ATXN10: variants seen among roughly 807,000 people sequenced by gnomAD.
ATXN10 encodes ataxin-10.
In ATXN10, 28 loss-of-function variants were observed where a neutral mutation model predicts 52.9. That is an observed-to-expected ratio of 0.53 (90% CI 0.39 to 0.73). The LOEUF (loss-of-function observed/expected upper bound fraction) is 0.73. ATXN10 is among the 30% of genes least tolerant of loss of function. ATXN10 has a pLI of 0.00. For missense variants in ATXN10, 565 were observed against 577.0 expected, an observed-to-expected ratio of 0.98 and a Z score of 0.21; for synonymous variants, 226 against 221.5, an observed-to-expected ratio of 1.02 and a Z score of -0.18.
chr22:45,831,436 AT>A (rs1411539516), intron 10 of ATXN10, among the ~76,000 whole-genome samples: 4 of 152,170 alleles, frequency 2.6e-5, no homozygotes, highest in Non-Finnish European at 5.9e-5. Context: ...CTTTTCCTGT[AT>A]GTCTCAGATC....
In ATXN10 at chr22:45,795,396, TTCTATTCTATTCTATTCTA is replaced by T. The variant is rs1927686241; in HGVS notation, c.1174-11561_1174-11543del. Among the ~76,000 whole-genome samples, 1 of 150,218 alleles carries T rather than the reference TTCTATTCTATTCTATTCTA, an allele frequency of 6.7e-6. No homozygotes were observed. The highest frequency in any genetic ancestry group is 1.5e-5 in the Non-Finnish European group (1 of 67,828). ...TTCTATTCTATTCTATTCTATTCTA[TTCTATTCTATTCTATTCTA>T]TTCTATTCTTTTTGAGATGAAGTCT... On this transcript the variant is annotated intron_variant, in intron 9 of 11. Transcript: ENST00000252934. The surrounding 1 kb of genome is among the most constrained non-coding windows in gnomAD (Gnocchi z 4.6).
At position 45,727,081 on chromosome 22, in the gene ATXN10, C is replaced by A. The variant is rs1032914159; in HGVS notation, c.729-2344C>A. Among the ~76,000 whole-genome samples, 4 of 152,080 alleles carry A rather than the reference C, an allele frequency of 2.6e-5. No individual in the cohort carries two copies. Among genetic ancestry groups the A allele is most frequent in the African/African-American group, 7.2e-5 (3 of 41,406 alleles). ...GTAGGCATTTAGCACTGTAAACTTT[C>A]CTTTTAGCACTGCTTTTGCTGTATC... On this transcript the variant is annotated intron_variant, in intron 6 of 11. Coordinates refer to ENST00000252934, the MANE Select transcript of ATXN10 (RefSeq NM_013236.4). This position sits in a 1 kb window ranked among gnomAD's most constrained non-coding sequence, Gnocchi z 4.6.
intron 10 of ATXN10, among the ~76,000 whole-genome samples, chr22:45,815,275 G>C (rs1369051183): frequency 6.6e-6 from 1 of 152,172 alleles, no homozygotes; most frequent in African/African-American, 2.4e-5. Flanking sequence ...TGAAGTTCAG[G>C]AACAGGCAGG....
rs1054316049 is a variant in ATXN10, at chr22:45,774,308, T to A, written c.1174-32651T>A. The stretch of plus-strand genomic sequence containing the variant: ...AGAGTGAGAGCAGGAGCTGCACCTG[T>A]CTGGAATGGCAGCCTGTCCCTACCA... On this transcript the variant is annotated intron_variant, in intron 9 of 11. Transcript: ENST00000252934. The surrounding 1 kb of genome is among the most constrained non-coding windows in gnomAD (Gnocchi z 6.2). Among the ~76,000 whole-genome samples, 1 of 152,240 alleles carries A rather than the reference T, an allele frequency of 6.6e-6. No homozygotes were observed. The highest frequency in any genetic ancestry group is 1.5e-5 in the Non-Finnish European group (1 of 68,048).
At chr22:45,782,855 C>T (rs1030901877) in intron 9 of ATXN10, among the ~76,000 whole-genome samples, 2 of 152,158 alleles carry the variant, frequency 1.3e-5, no homozygotes, top group Non-Finnish European at 2.9e-5. Context: ...TAGTACCAAA[C>T]CCTATGTATG....
intron 3 of ATXN10, among the ~76,000 whole-genome samples, chr22:45,695,241 A>G (rs536562794): frequency 2.2e-3 from 333 of 148,378 alleles, no homozygotes; most frequent in Middle Eastern, 7.2e-3. Flanking sequence ...GGAGAATGGC[A>G]TGCACCCAGG....
Position 45,689,350 on chromosome 22 carries a change from T to G in ATXN10, c.117-362T>G. Reference sequence around the variant, plus strand: ...TTTGGGTTGTCATGGGTAGTGGAAGTGCTCAGGCCAGAGTGCTTCACTTGG... The same window carrying G: ...TTTGGGTTGTCATGGGTAGTGGAAGGGCTCAGGCCAGAGTGCTTCACTTGG... On this transcript the variant is annotated intron_variant, in intron 1 of 11. Transcript: ENST00000252934. The G allele has an allele frequency of 9.4e-6, 3 of 317,958 alleles. No individual in the cohort carries two copies. The East Asian group carries it at 2.3e-4, about 25-fold the overall frequency. The allele number at this position is 317,958 out of a possible 1,614,324, so 19.7% of individuals were successfully genotyped here.
At chr22:45,777,275 C>T (rs1926993444) in intron 9 of ATXN10, among the ~76,000 whole-genome samples, 1 of 152,114 alleles carries the variant, frequency 6.6e-6, no homozygotes, top group African/African-American at 2.4e-5. Context: ...GTCGTTGTTA[C>T]CATAGCTGGA....
At chr22:45,810,496 C>G (rs1029497392) in intron 10 of ATXN10, among the ~76,000 whole-genome samples, 14 of 152,168 alleles carry the variant, frequency 9.2e-5, no homozygotes, top group African/African-American at 3.4e-4. Context: ...ACACAGAAAA[C>G]CTCGTTTACC....
Position 45,789,386 on chromosome 22 carries a change from A to G in ATXN10, c.1174-17573A>G, listed in dbSNP as rs1927429191. Among the ~76,000 whole-genome samples, 1 of 152,108 alleles carries G rather than the reference A, an allele frequency of 6.6e-6. No homozygotes were observed. Among genetic ancestry groups the G allele is most frequent in the Admixed American group, 6.5e-5 (1 of 15,274 alleles). The stretch of plus-strand genomic sequence containing the variant: ...CGCATATATTTTTTTTCCGCAAATC[A>G]TTGTTAAGTATCTCGGGACCGGGCA... On this transcript the variant is annotated intron_variant, in intron 9 of 11. Transcript: ENST00000252934. This position sits in a 1 kb window ranked among gnomAD's most constrained non-coding sequence, Gnocchi z 4.0.
rs1249081066 is a variant in ATXN10 at position 45,733,329 on chromosome 22, CAATA to C, written c.894+3744_894+3747del. Among the ~76,000 whole-genome samples, 2 of 152,130 alleles carry C rather than the reference CAATA, an allele frequency of 1.3e-5. No homozygotes were observed. Among genetic ancestry groups the C allele is most frequent in the African/African-American group, 2.4e-5 (1 of 41,414 alleles). On this transcript the variant is annotated intron_variant, in intron 7 of 11. Coordinates refer to ENST00000252934, the MANE Select transcript of ATXN10 (RefSeq NM_013236.4). The surrounding 1 kb of genome is among the most constrained non-coding windows in gnomAD (Gnocchi z 4.4). ...TAATACATATTTAATACATATTCTA[CAATA>C]AATAGTGTATTTTTTCCACATATTA... is the stretch of plus-strand genomic sequence containing the variant.
chr22:45,761,051 T>C (rs1926371345), intron 9 of ATXN10, among the ~76,000 whole-genome samples: 1 of 152,244 alleles, frequency 6.6e-6, no homozygotes, highest in Non-Finnish European at 1.5e-5. Flanking sequence ...TCATTATTGT[T>C]GTTTTCCTTT....
At chr22:45,812,224 T>C (rs1928305473) in intron 10 of ATXN10, among the ~76,000 whole-genome samples, 1 of 152,204 alleles carries the variant, frequency 6.6e-6, no homozygotes, top group South Asian at 2.1e-4. Context: ...CTTCAGCTCA[T>C]CACAGGTTAT....
intron 9 of ATXN10, among the ~76,000 whole-genome samples, chr22:45,791,059 A>T (rs776865216): frequency 6.6e-6 from 1 of 152,026 alleles, no homozygotes; most frequent in Non-Finnish European, 1.5e-5. Flanking sequence ...GGGTCTCTCT[A>T]TGTTGCCCAG....
At chr22:45,799,449 T>C (rs925557458) in intron 9 of ATXN10, among the ~76,000 whole-genome samples, 9 of 152,146 alleles carry the variant, frequency 5.9e-5, no homozygotes, top group African/African-American at 2.2e-4. Flanking sequence ...GATGGGCCCC[T>C]AATCCAGTAT....
intron 9 of ATXN10, among the ~76,000 whole-genome samples, chr22:45,798,323 G>A (rs998379068): frequency 3.3e-5 from 5 of 152,174 alleles, no homozygotes; most frequent in Non-Finnish European, 7.4e-5. Flanking sequence ...AAGTGATAAT[G>A]TATCATGAAC....
intron 3 of ATXN10, among the ~76,000 whole-genome samples, chr22:45,694,446 G>GT (rs891610281): frequency 7.9e-5 from 12 of 152,096 alleles, no homozygotes; most frequent in African/African-American, 2.9e-4. Flanking sequence ...GAGCTCAGGT[G>GT]TTTGAGACCA....
chr22:45,772,867 G>C lies in ATXN10; in HGVS notation c.1173+32329G>C, dbSNP rs1428929054. On this transcript the variant is annotated intron_variant, in intron 9 of 11. Transcript: ENST00000252934. The surrounding 1 kb of genome is among the most constrained non-coding windows in gnomAD (Gnocchi z 4.1). ...ACCAAAAATAGATGTTGAAGTCCCT[G>C]ATACAAAATGGTATGGTATTTGCAT... Among the ~76,000 whole-genome samples the C allele has an allele frequency of 2.0e-5, 3 of 152,196 alleles. No homozygotes were observed. Among genetic ancestry groups the C allele is most frequent in the African/African-American group, 7.2e-5 (3 of 41,436 alleles).
At position 45,790,232 on chromosome 22, in the gene ATXN10, AT is replaced by A. The variant is rs929322323; in HGVS notation, c.1174-16720del. On this transcript the variant is annotated intron_variant, in intron 9 of 11. Transcript: ENST00000252934. This position sits in a 1 kb window ranked among gnomAD's most constrained non-coding sequence, Gnocchi z 4.7. ...CTCTTAATGCCTGTATAGGGTCAGG[AT>A]TTTTTTGTAACAGCTGCAGTCTGGA... Among the ~76,000 whole-genome samples the A allele has an allele frequency of 6.6e-6, 1 of 152,078 alleles. No individual in the cohort carries two copies. Among genetic ancestry groups the A allele is most frequent in the Non-Finnish European group, 1.5e-5 (1 of 68,014 alleles).
Sources: gnomAD v4.1 joint callset for allele counts (sites outside exome capture counted in the v4.1 genomes callset) on GRCh38, gnomAD v4.1.1 for gene constraint, Gnocchi (gnomAD v3.1) non-coding constraint, MANE v1.5 for transcripts, NCBI Gene and HGNC (gene_info 2026-07-23, HGNC 2026-07-21) for gene names.